The following CTNNA2 variants were observed in gnomAD, a reference collection of about 807,000 sequenced individuals.
CTNNA2 encodes the protein catenin alpha 2, also known as catenin alpha-2.
In CTNNA2, 42 loss-of-function variants were observed where a neutral mutation model predicts 101.0. The observed-to-expected ratio is 0.42, with a 90% CI of 0.32 to 0.54. The LOEUF is 0.54. Among genes scored for constraint, CTNNA2 ranks in the 20% least tolerant of loss-of-function variants. The probability of loss-of-function intolerance (pLI) is 0.14; values close to 1 mark genes in which losing one functional copy is unlikely to be tolerated. For missense variants in CTNNA2, 871 were observed against 1,223.1 expected (o/e 0.71, Z 4.29); for synonymous variants, 450 against 456.4 (o/e 0.99, Z 0.18).
At chr2:80,057,292 T>G (rs1206691566) in intron 7 of CTNNA2, among the ~76,000 whole-genome samples, 1 of 152,148 alleles carries the variant, frequency 6.6e-6, no homozygotes. Context: ...AACTGATTGT[T>G]TCCCAACTGG....
At chr2:79,795,903 C>T (rs571169577) in intron 3 of CTNNA2, among the ~76,000 whole-genome samples, 1 of 152,134 alleles carries the variant, frequency 6.6e-6, no homozygotes, top group Non-Finnish European at 1.5e-5. Context: ...CTGTCTTTAA[C>T]AACACAAAAG....
chr2:80,606,367 A>AACACACACACAC (rs67402125), intron 16 of CTNNA2, among the ~76,000 whole-genome samples: 1 of 137,424 alleles, frequency 7.3e-6, no homozygotes, highest in Non-Finnish European at 1.6e-5. Flanking sequence ...AAACACATCA[A>AACACACACACAC]ACACACACAC....
At chr2:80,568,606 A>G (rs1364759829) in intron 12 of CTNNA2, among the ~76,000 whole-genome samples, 2 of 150,638 alleles carry the variant, frequency 1.3e-5, no homozygotes, top group African/African-American at 2.5e-5. Flanking sequence ...TGAGATTAGG[A>G]TGCTATAAAA....
At position 79,208,794 on chromosome 2, in the gene CTNNA2, T is replaced by C. The variant is rs377264563; in HGVS notation, c.-406+10718T>C. Among the ~76,000 whole-genome samples, 95 of 152,284 alleles carry C rather than the reference T, an allele frequency of 6.2e-4. 2 individuals carry two copies. The South Asian group carries it at 0.019, about 30-fold the overall frequency. On this transcript the variant is annotated intron_variant, in intron 2 of 21. Coordinates refer to the CTNNA2 transcript ENST00000466387. ...TTGAAACCTAGGCTGTGACTATAAA[T>C]TAATTAAAATTTAATTTATGATTGC...
rs142515440 is a variant in CTNNA2 at position 80,132,080 on chromosome 2, T to A, written c.1056+222283T>A. 2.6e-3 allele frequency among the ~76,000 whole-genome samples: 393 copies of A among 152,242 alleles called. 3 individuals are homozygous for A. The highest frequency in any genetic ancestry group is 8.7e-3 in the African/African-American group (360 of 41,540). ...TGGGTGACAAGAGTGAAACTCTGTC[T>A]CAAAAAACATGTATATATAAATATA... On this transcript the variant is annotated intron_variant, in intron 7 of 18. Transcript: ENST00000402739.
chr2:80,296,165 G>T (rs1456953993), intron 7 of CTNNA2, among the ~76,000 whole-genome samples: 1 of 152,078 alleles, frequency 6.6e-6, no homozygotes, highest in South Asian at 2.1e-4. Flanking sequence ...GGAAAATGAG[G>T]TATCTATCAC....
chr2:79,968,018 G>T (rs1294003928), intron 7 of CTNNA2, among the ~76,000 whole-genome samples: 1 of 152,122 alleles, frequency 6.6e-6, no homozygotes, highest in Admixed American at 6.5e-5. Context: ...TATAGAGAAA[G>T]AACATAGGTT....
chr2:80,271,448 G>A (rs79258721), intron 7 of CTNNA2, among the ~76,000 whole-genome samples: 2,788 of 148,056 alleles, frequency 0.019, 93 homozygotes, highest in African/African-American at 0.066. Context: ...CTGAGATGGA[G>A]TCTCGCTCTT....
chr2:79,587,846 G>T (rs1280221301), intron 1 of CTNNA2, among the ~76,000 whole-genome samples: 1 of 152,114 alleles, frequency 6.6e-6, no homozygotes, highest in Non-Finnish European at 1.5e-5. Context: ...CCATTGCAGG[G>T]CCCATTTCTC....
At chr2:79,248,769 G>T (rs1380754948) in intron 2 of CTNNA2, among the ~76,000 whole-genome samples, 2 of 152,174 alleles carry the variant, frequency 1.3e-5, no homozygotes. Flanking sequence ...GACTCATGTA[G>T]CTTTGTACCA....
intron 7 of CTNNA2, among the ~76,000 whole-genome samples, chr2:80,087,177 T>C (rs80197458): frequency 0.011 from 1,667 of 152,130 alleles, 24 homozygotes; most frequent in African/African-American, 0.035. Flanking sequence ...AATTATAGCC[T>C]TGCAAATTCT....
chr2:79,706,280 G>A (rs1336952420), intron 2 of CTNNA2, among the ~76,000 whole-genome samples: 2 of 150,468 alleles, frequency 1.3e-5, no homozygotes, highest in Non-Finnish European at 3.0e-5. Flanking sequence ...GGACAATGGC[G>A]TGAACCCGGG....
chr2:80,427,316 C>T (rs1178690608), intron 9 of CTNNA2, among the ~76,000 whole-genome samples: 1 of 152,130 alleles, frequency 6.6e-6, no homozygotes, highest in South Asian at 2.1e-4. Flanking sequence ...CTGTGAAGAA[C>T]TAATGTGAAG....
intron 4 of CTNNA2, among the ~76,000 whole-genome samples, chr2:79,420,610 A>G (rs1347066582): frequency 6.6e-6 from 1 of 152,164 alleles, no homozygotes; most frequent in Non-Finnish European, 1.5e-5. Context: ...TTAGATATTA[A>G]ACTGCTTAAT....
intron 3 of CTNNA2, among the ~76,000 whole-genome samples, chr2:79,340,560 G>C (rs1406836213): frequency 6.6e-6 from 1 of 152,116 alleles, no homozygotes; most frequent in Non-Finnish European, 1.5e-5. Context: ...GAGGCCGGGC[G>C]TGGTGGCTCA....
At chr2:80,409,949 G>T (rs1679415873) in intron 8 of CTNNA2, among the ~76,000 whole-genome samples, 1 of 152,178 alleles carries the variant, frequency 6.6e-6, no homozygotes, top group African/African-American at 2.4e-5. Flanking sequence ...TATTTCTCCA[G>T]TAAAAGGAAT....
intron 2 of CTNNA2, among the ~76,000 whole-genome samples, chr2:79,704,168 A>G (rs1685192511): frequency 2.0e-5 from 3 of 152,188 alleles, no homozygotes; most frequent in South Asian, 4.1e-4. Flanking sequence ...ATAAACATAA[A>G]TTTTGCAAAA....
chr2:79,366,622 G>A (rs193005216), intron 3 of CTNNA2, among the ~76,000 whole-genome samples: 107 of 152,276 alleles, frequency 7.0e-4, no homozygotes, highest in African/African-American at 2.5e-3. Context: ...GTAATATCCT[G>A]CCTTTGAGTA....
intron 3 of CTNNA2, among the ~76,000 whole-genome samples, chr2:79,352,626 G>C (rs1369184672): frequency 6.6e-6 from 1 of 151,966 alleles, no homozygotes; most frequent in Non-Finnish European, 1.5e-5. Flanking sequence ...CCTTCTACTA[G>C]CTTTGGGGTT....
Sources: allele counts gnomAD v4.1 joint callset (sites outside exome capture counted in the v4.1 genomes callset), GRCh38; gene constraint gnomAD v4.1.1; transcripts MANE v1.5; gene names NCBI Gene and HGNC (gene_info 2026-07-23, HGNC 2026-07-21).